Variants in SLIT1 observed in about 807,000 individuals in gnomAD.
SLIT1 encodes the protein slit homolog 1 protein.
SLIT1 carries 66 observed loss-of-function variants against 186.1 expected under a neutral mutation model. The ratio of observed to expected loss-of-function variants is 0.35; its 90% CI spans 0.29 to 0.44. The LOEUF (loss-of-function observed/expected upper bound fraction) is 0.44, where lower values mean the gene tolerates loss of function less well. Among genes scored for constraint, SLIT1 ranks in the 20% least tolerant of loss-of-function variants. The probability of loss-of-function intolerance (pLI) is 1.00; values close to 1 mark genes in which losing one functional copy is unlikely to be tolerated. For missense variants in SLIT1, 1,638 were observed against 2,037.4 expected, an observed-to-expected ratio of 0.80 and a Z score of 3.77; for synonymous variants, 761 against 833.8, an observed-to-expected ratio of 0.91 and a Z score of 1.50.
chr10:97,012,564 C>T (rs995844342), intron 30 of SLIT1, among the ~76,000 whole-genome samples: 53 of 152,224 alleles, frequency 3.5e-4, no homozygotes, highest in African/African-American at 1.2e-3. Flanking sequence ...GGCTGGACAA[C>T]GTGCAGTCCT....
chr10:97,084,621 T>C (rs1220141912), intron 4 of SLIT1, among the ~76,000 whole-genome samples: 5 of 136,140 alleles, frequency 3.7e-5, no homozygotes, highest in Non-Finnish European at 8.0e-5. Flanking sequence ...TTTCTTTTCT[T>C]GTGAGACAGA....
At position 97,110,378 on chromosome 10, in the gene SLIT1, T is replaced by C. The variant is rs760735747; in HGVS notation, c.414-44292A>G. 2.0e-5 allele frequency among the ~76,000 whole-genome samples: 3 copies of C among 152,298 alleles called. No homozygotes were observed. The East Asian group carries it at 5.8e-4, about 29-fold the overall frequency. Reference sequence around the variant, plus strand: ...GTGCACCAGGAAGCACCTGCCAGGATGTTCCAAGCATTATTTGCACGGAAA... The same window carrying C: ...GTGCACCAGGAAGCACCTGCCAGGACGTTCCAAGCATTATTTGCACGGAAA... On this transcript the variant is annotated intron_variant, in intron 4 of 36. Transcript: ENST00000266058.
intron 7 of SLIT1, among the ~76,000 whole-genome samples, chr10:97,063,954 G>A (rs1848918981): frequency 6.6e-6 from 1 of 152,078 alleles, no homozygotes; most frequent in African/African-American, 2.4e-5. Context: ...TGTTTTCCAA[G>A]GAAAAACCAA....
At chr10:97,029,424 G>A (rs1256642064) in intron 25 of SLIT1, among the ~76,000 whole-genome samples, 3 of 152,180 alleles carry the variant, frequency 2.0e-5, no homozygotes, top group Admixed American at 1.3e-4. Context: ...TTGAGGATGG[G>A]GCTGACAGCA....
intron 25 of SLIT1, among the ~76,000 whole-genome samples, chr10:97,029,993 T>C (rs1244144029): frequency 2.6e-5 from 4 of 152,240 alleles, no homozygotes; most frequent in Non-Finnish European, 4.4e-5. Flanking sequence ...TACCCCATTG[T>C]ATGTATGTAG....
intron 3 of SLIT1, among the ~76,000 whole-genome samples, chr10:97,161,069 C>G (rs916889798): frequency 1.2e-4 from 18 of 152,280 alleles, no homozygotes; most frequent in Admixed American, 1.0e-3. Flanking sequence ...TCACCTTTTA[C>G]GATCAACTGA....
At chr10:97,063,120 G>T (rs936756391) in intron 8 of SLIT1, among the ~76,000 whole-genome samples, 5 of 152,218 alleles carry the variant, frequency 3.3e-5, no homozygotes, top group Non-Finnish European at 5.9e-5. Flanking sequence ...AACAAAGAGG[G>T]TGATGAGTGG....
At chr10:97,066,176 T>G in intron 4 of SLIT1, 90 bp from the exon 5 acceptor site, 1 of 1,058,582 alleles carries the variant, frequency 9.4e-7, no homozygotes, top group Admixed American at 2.0e-5. Flanking sequence ...GCAGGGCAGG[T>G]GGGCTGGAGG....
chr10:97,103,669 C>T (rs1179819996), intron 4 of SLIT1: 1 of 152,178 alleles, frequency 6.6e-6, no homozygotes, highest in Non-Finnish European at 1.5e-5. Flanking sequence ...AATTAATGAA[C>T]CCTCTGGGAA....
chr10:97,001,428 AGAG>A (rs914749272), intron 36 of SLIT1, 78 bp from the exon 37 acceptor site: 41 of 1,108,082 alleles, frequency 3.7e-5, no homozygotes, highest in Non-Finnish European at 4.8e-5. Flanking sequence ...GGCAGGAGGA[AGAG>A]GAGGAGGAGG....
At chr10:97,012,601 G>A (rs889459833) in intron 30 of SLIT1, among the ~76,000 whole-genome samples, 4 of 152,216 alleles carry the variant, frequency 2.6e-5, no homozygotes, top group Non-Finnish European at 4.4e-5. Flanking sequence ...CAAGGAGGGC[G>A]CATGCTGCCC....
chr10:97,019,003 C>G lies in SLIT1; in HGVS notation c.2851G>C (p.Ala951Pro), dbSNP rs1316554658. 1 of 1,611,360 alleles carries G rather than the reference C, an allele frequency of 6.2e-7. No individual in the cohort carries two copies. Among genetic ancestry groups the G allele is most frequent in the African/African-American group, 1.3e-5 (1 of 74,856 alleles). Reference sequence around the variant, plus strand: ...CTCACCTTATAGCCGCTGGGGCAGGCGCACCTGTACACCTCAAGGGGGTCG... The same window carrying G: ...CTCACCTTATAGCCGCTGGGGCAGGGGCACCTGTACACCTCAAGGGGGTCG... The part of the protein sequence containing the change: ...HNDPLEVYRC[A>P]CPSGYKGRDC... Residue 951 changes from alanine to proline, a missense_variant, in exon 27 of 37, where the codon GCC becomes CCC. This residue lies in a region of SLIT1 where 1,245 missense variants were observed against 1,535.3 expected (regional missense o/e 0.81). Transcript: ENST00000266058.
rs534179430 is a variant in SLIT1 at position 97,063,534 on chromosome 10, G to A, written c.714C>T (p.Leu238=). ...QWLRQRPTIG[L]FTQCSGPASL... The stretch of plus-strand genomic sequence containing the variant: ...TGGCTGGGCCCGAGCACTGGGTGAA[G>A]AGCCCGATGGTTGGCCGCTGCCTCA... The change falls in exon 8 of 37, where the codon CTC becomes CTT. Residue 238 remains leucine (L), a synonymous_variant. Coordinates refer to ENST00000266058, the MANE Select transcript of SLIT1 (RefSeq NM_003061.3). The A allele has an allele frequency of 6.2e-7, 1 of 1,613,124 alleles. No homozygotes were observed. Among genetic ancestry groups the A allele is most frequent in the South Asian group, 1.1e-5 (1 of 90,982 alleles).
In SLIT1 at chr10:97,001,305, T is replaced by C. The variant is rs1441277658; in HGVS notation, c.4412A>G (p.Gln1471Arg). The C allele has an allele frequency of 1.9e-6, 3 of 1,613,200 alleles. No individual in the cohort carries two copies. The highest frequency in any genetic ancestry group is 2.2e-5 in the East Asian group (1 of 44,882). Residue 1471 changes from glutamine (Q) to arginine (R), a missense_variant, in exon 37 of 37, where the codon CAG (glutamine) becomes CGG (arginine). Gln to Arg is a conservative substitution (Grantham distance 43). This residue lies in a region of SLIT1 where 220 missense variants were observed against 211.3 expected (regional missense o/e 1.04). Transcript: ENST00000266058. ...GGTCTGGCAGATGGCATAGCCCCTC[T>C]GGACCTGGTGAAAGTCCCGGACAGG... ...GDPVRDFHQV[Q>R]RGYAICQTTR...
At chr10:97,176,816 G>T (rs556574699) in intron 1 of SLIT1, among the ~76,000 whole-genome samples, 246 of 152,276 alleles carry the variant, frequency 1.6e-3, no homozygotes, top group Non-Finnish European at 3.0e-3. Context: ...CAAACGTGTA[G>T]CCACTGCTCT....
Position 97,083,666 on chromosome 10 carries a change from G to A in SLIT1, c.414-17580C>T, listed in dbSNP as rs568576461. 5.9e-5 allele frequency among the ~76,000 whole-genome samples: 9 copies of A among 152,310 alleles called. No homozygotes were observed. The South Asian group carries it at 1.9e-3, about 32-fold the overall frequency. On this transcript the variant is annotated intron_variant, in intron 4 of 36. Coordinates refer to ENST00000266058, the MANE Select transcript of SLIT1 (RefSeq NM_003061.3). Reference sequence around the variant, plus strand: ...GGCCGTGCTGCAGAGAGTGTGGAATGTCAGCCCCTGTCTGCGATGAACATT... The same window carrying A: ...GGCCGTGCTGCAGAGAGTGTGGAATATCAGCCCCTGTCTGCGATGAACATT...
intron 25 of SLIT1, among the ~76,000 whole-genome samples, chr10:97,026,017 C>T (rs538589835): frequency 6.6e-6 from 1 of 151,820 alleles, no homozygotes; most frequent in Admixed American, 6.5e-5. Context: ...AGCACAACAT[C>T]TTAGTGCAAA....
At chr10:97,071,856 C>G (rs1849003925) in intron 4 of SLIT1, among the ~76,000 whole-genome samples, 1 of 152,240 alleles carries the variant, frequency 6.6e-6, no homozygotes, top group Admixed American at 6.5e-5. Context: ...ATCAATAACA[C>G]TAGATCCTTA....
At position 97,006,770 on chromosome 10, in the gene SLIT1, C is replaced by T; in HGVS notation, c.3342-50G>A. 7.9e-7 allele frequency: 1 copy of T among 1,263,864 alleles called. No homozygotes were observed. The highest frequency in any genetic ancestry group is 1.2e-6 in the Non-Finnish European group (1 of 867,688). The allele number at this position is 1,263,864 out of a possible 1,614,324, so 78.3% of individuals were successfully genotyped here. On this transcript the variant is annotated intron_variant, in intron 31 of 36. Coordinates refer to ENST00000266058, the MANE Select transcript of SLIT1 (RefSeq NM_003061.3). The surrounding 1 kb of genome is among the most constrained non-coding windows in gnomAD (Gnocchi z 4.0). The stretch of plus-strand genomic sequence containing the variant: ...AGAGGGCCAAGGAGGAAGGGAGTAT[C>T]TTCCTCTCCCACAGCCCTGGAGAGA...
Sources: allele counts gnomAD v4.1 joint callset (sites outside exome capture counted in the v4.1 genomes callset), GRCh38; gene constraint gnomAD v4.1.1; regional missense constraint gnomAD v4.1.1; non-coding constraint Gnocchi (gnomAD v3.1); transcripts MANE v1.5; gene names NCBI Gene and HGNC (gene_info 2026-07-23, HGNC 2026-07-21).